Variants in KLHDC2 observed in about 807,000 individuals in gnomAD.
The protein encoded by KLHDC2 is kelch domain containing 2, also known as kelch domain-containing protein 2.
In KLHDC2, 38 loss-of-function variants were observed where a neutral mutation model predicts 62.3. The ratio of observed to expected loss-of-function variants is 0.61; its 90% confidence interval spans 0.47 to 0.80. The LOEUF (loss-of-function observed/expected upper bound fraction) is 0.80. Ranked by LOEUF, KLHDC2 falls within the 30% of genes least tolerant of loss-of-function variation. The pLI, the probability that KLHDC2 is intolerant of heterozygous loss-of-function variation, is 0.00. For synonymous variants in KLHDC2, 159 were observed against 161.0 expected, an observed-to-expected ratio of 0.99 and a Z score of 0.09; for missense variants, 430 against 495.3, an observed-to-expected ratio of 0.87 and a Z score of 1.25.
intron 3 of KLHDC2, among the ~76,000 whole-genome samples, chr14:49,776,535 T>C (rs1889776610): frequency 1.3e-5 from 2 of 152,174 alleles, no homozygotes; most frequent in Admixed American, 1.3e-4. Flanking sequence ...TAGAGTTAAA[T>C]AGACACCGAA....
chr14:49,780,725 C>T lies in KLHDC2; in HGVS notation c.906C>T (p.Ile302=). 1 of 1,608,862 alleles carries T rather than the reference C, an allele frequency of 6.2e-7. No homozygotes were observed. The highest frequency in any genetic ancestry group is 8.5e-7 in the Non-Finnish European group (1 of 1,175,306). The stretch of plus-strand genomic sequence containing the variant: ...CAGGTGATGCCTGGACTTACTGCAT[C>T]AGTAAAAATGAATGGATACAATTTA... ...QPLSDAWTYC[I]SKNEWIQFNH... Residue 302 remains isoleucine, a synonymous_variant, in exon 10 of 13, where the codon ATC becomes ATT. Transcript: ENST00000298307.
intron 4 of KLHDC2, 52 bp from the exon 5 acceptor site, chr14:49,778,126 T>C (rs1889810826): frequency 2.4e-6 from 3 of 1,237,106 alleles, no homozygotes; most frequent in Non-Finnish European, 2.3e-6. Flanking sequence ...ACTGCTTGTA[T>C]CCTATCCTAT....
rs1889916341 is a variant in KLHDC2 at position 49,781,804 on chromosome 14, T to TAAAC, written c.957-564_957-561dup. Among the ~76,000 whole-genome samples, 3 of 152,110 alleles carry TAAAC rather than the reference T, an allele frequency of 2.0e-5. No homozygotes were observed. The South Asian group carries it at 6.2e-4, about 31-fold the overall frequency. On this transcript the variant is annotated intron_variant, in intron 10 of 12. Transcript: ENST00000298307. ...ATCAAATCATCCAAAAAAAGCTTAT[T>TAAAC]AAACACTGATAATTTTCTCTTGTTA...
chr14:49,779,902 TTAAC>T (rs1461456638), intron 8 of KLHDC2, 96 bp downstream of exon 8: 3 of 848,522 alleles, frequency 3.5e-6, no homozygotes, highest in African/African-American at 1.7e-5. Flanking sequence ...TAACTTTTCT[TTAAC>T]TATGAAATTA....
chr14:49,769,604 C>A (rs1203086118), intron 1 of KLHDC2, among the ~76,000 whole-genome samples: 2 of 152,110 alleles, frequency 1.3e-5, no homozygotes, highest in African/African-American at 4.8e-5. Context: ...CCTAATGAAT[C>A]TGCAGTGTTT....
intron 9 of KLHDC2, 130 bp from the exon 10 acceptor site, chr14:49,780,573 G>T (rs930816128): frequency 4.1e-6 from 3 of 726,866 alleles, no homozygotes; most frequent in Non-Finnish European, 7.3e-6. Context: ...AATTGCAGGG[G>T]GGGGAAAAAA....
chr14:49,781,594 T>C (rs555216026), intron 10 of KLHDC2, among the ~76,000 whole-genome samples: 1 of 151,254 alleles, frequency 6.6e-6, no homozygotes, highest in South Asian at 2.1e-4. Context: ...CTAGGTGTGG[T>C]AGCATATGCC....
intron 1 of KLHDC2, 40 bp downstream of exon 1, chr14:49,768,661 G>C (rs761525163): frequency 1.3e-6 from 2 of 1,522,952 alleles, no homozygotes; most frequent in South Asian, 2.4e-5. Flanking sequence ...TCGCTCGGCT[G>C]TGACTCGGGT....
At chr14:49,778,034 T>G in intron 4 of KLHDC2, 80 bp downstream of exon 4, 1 of 981,966 alleles carries the variant, frequency 1.0e-6, no homozygotes, top group Admixed American at 2.1e-5. Flanking sequence ...AGTAAACATT[T>G]GCACAGAACA....
intron 2 of KLHDC2, 141 bp downstream of exon 2, chr14:49,771,814 G>C (rs1189954215): frequency 1.9e-6 from 1 of 535,064 alleles, no homozygotes; most frequent in Non-Finnish European, 3.4e-6. Context: ...ACCAGGCTGG[G>C]GTGAAACCCC....
At chr14:49,777,053 A>C (rs1171708164) in intron 3 of KLHDC2, among the ~76,000 whole-genome samples, 2 of 152,132 alleles carry the variant, frequency 1.3e-5, no homozygotes, top group African/African-American at 4.8e-5. Context: ...TATACCAGGG[A>C]ATACTACTCC....
In KLHDC2 at chr14:49,785,333, A is replaced by G. The variant is rs1371011888; in HGVS notation, c.*2380A>G. On this transcript the variant is annotated 3_prime_UTR_variant, in exon 13 of 13. Transcript: ENST00000298307. ...CAAATAGGTTTTCCTAAAAAGGGAA[A>G]ATAACAGTTACAAAGGCAATTTATA... is the stretch of plus-strand genomic sequence containing the variant. 3 of 1,597,138 alleles carry G rather than the reference A, an allele frequency of 1.9e-6. No homozygotes were observed. Among genetic ancestry groups the G allele is most frequent in the African/African-American group, 2.7e-5 (2 of 74,576 alleles).
chr14:49,770,440 C>G (rs186693214), intron 1 of KLHDC2, among the ~76,000 whole-genome samples: 1 of 152,296 alleles, frequency 6.6e-6, no homozygotes, highest in Non-Finnish European at 1.5e-5. Flanking sequence ...AGTTGTTTTA[C>G]GTGGTCAACT....
intron 10 of KLHDC2, among the ~76,000 whole-genome samples, 157 bp downstream of exon 10, chr14:49,780,932 G>A (rs4900953): frequency 0.97 from 147,350 of 152,348 alleles, 71,463 homozygotes; most frequent in East Asian, 1. Flanking sequence ...TCCTAGTATC[G>A]AATGATCTCC....
At position 49,783,499 on chromosome 14, in the gene KLHDC2, A is replaced by C. The variant is rs1043032137; in HGVS notation, c.*546A>C. ...GGGGCTGGAGCAAGTGGTCATGCTG[A>C]ATACAGGCAGGTGCTGTCCAGTCAA... On this transcript the variant is annotated 3_prime_UTR_variant, in exon 13 of 13. Transcript: ENST00000298307. The C allele has an allele frequency of 6.6e-6, 1 of 151,614 alleles. No individual in the cohort carries two copies. Among genetic ancestry groups the C allele is most frequent in the African/African-American group, 2.4e-5 (1 of 40,890 alleles). The allele number at this position is 151,614 out of a possible 1,614,324, so 9.4% of individuals were successfully genotyped here.
At chr14:49,779,399 AAC>A (rs1404987518) in intron 6 of KLHDC2, among the ~76,000 whole-genome samples, 194 bp from the exon 7 acceptor site, 1 of 152,252 alleles carries the variant, frequency 6.6e-6, no homozygotes, top group Non-Finnish European at 1.5e-5. Context: ...CCCATTCAGT[AAC>A]ACATTTCAAA....
chr14:49,768,381 C>T lies in KLHDC2; in HGVS notation c.-88C>T, dbSNP rs1218029267. On this transcript the variant is annotated 5_prime_UTR_variant, in exon 1 of 13. Coordinates refer to ENST00000298307, the MANE Select transcript of KLHDC2 (RefSeq NM_014315.3). ...TCGCCACCGCCTTTTCCTTGCCTCG[C>T]GCCGCTGTGCATTTCTCTCCTTTTC... The T allele has an allele frequency of 4.2e-6, 6 of 1,416,772 alleles. No homozygotes were observed. The highest frequency in any genetic ancestry group is 1.5e-5 in the African/African-American group (1 of 68,194). The allele number at this position is 1,416,772 out of a possible 1,614,324, so 87.8% of individuals were successfully genotyped here. A position where few individuals can be genotyped will look rare whatever the true frequency, so the allele number is the denominator to read the frequency against.
chr14:49,777,245 G>C (rs1877647572), intron 3 of KLHDC2, among the ~76,000 whole-genome samples: 1 of 624 alleles, frequency 1.6e-3, no homozygotes, highest in South Asian at 0.25. Context: ...GGGGACTCAG[G>C]GGTAAAGGGT....
chr14:49,782,700 T>C, intron 12 of KLHDC2, 106 bp downstream of exon 12: 1 of 1,369,736 alleles, frequency 7.3e-7, no homozygotes, highest in Non-Finnish European at 1.0e-6. Flanking sequence ...CAATAAAACT[T>C]CATTGCTATA....
Sources: gnomAD v4.1 joint callset for allele counts (sites outside exome capture counted in the v4.1 genomes callset) on GRCh38, gnomAD v4.1.1 for gene constraint, MANE v1.5 for transcripts, NCBI Gene and HGNC (gene_info 2026-07-23, HGNC 2026-07-21) for gene names.